SLC2A13: variants seen among roughly 807,000 people sequenced by gnomAD.
SLC2A13 encodes solute carrier family 2 member 13.
Under a neutral mutation model 64.4 loss-of-function variants are expected in SLC2A13, and 32 were observed. The ratio of observed to expected loss-of-function variants is 0.50; its 90% confidence interval spans 0.37 to 0.67. The LOEUF (loss-of-function observed/expected upper bound fraction) is 0.67, where lower values mean the gene tolerates loss of function less well. Ranked by LOEUF, SLC2A13 falls within the 30% of genes least tolerant of loss-of-function variation. The probability of loss-of-function intolerance (pLI) is 0.00; values close to 1 mark genes in which losing one functional copy is unlikely to be tolerated. For missense variants in SLC2A13, 743 were observed against 829.2 expected (o/e 0.90, Z 1.28); for synonymous variants, 338 against 327.1 (o/e 1.03, Z -0.36).
chr12:39,808,802 C>A (rs1329642827), intron 7 of SLC2A13, among the ~76,000 whole-genome samples: 1 of 151,938 alleles, frequency 6.6e-6, no homozygotes, highest in African/African-American at 2.4e-5. Context: ...TGTAAGAATT[C>A]TTTATTCATA....
At chr12:39,851,295 T>C (rs2135895102) in intron 6 of SLC2A13, among the ~76,000 whole-genome samples, 1 of 152,312 alleles carries the variant, frequency 6.6e-6, no homozygotes, top group East Asian at 1.9e-4. Flanking sequence ...CAGTTCTTCT[T>C]ATGAAATAAC....
intron 7 of SLC2A13, among the ~76,000 whole-genome samples, chr12:39,801,751 G>A (rs186528695): frequency 1.4e-4 from 21 of 152,270 alleles, no homozygotes; most frequent in African/African-American, 5.1e-4. Flanking sequence ...AAAGGAAAGG[G>A]CGGGCTTAGA....
intron 4 of SLC2A13, among the ~76,000 whole-genome samples, chr12:39,880,011 A>G (rs948002009): frequency 2.6e-5 from 4 of 152,052 alleles, no homozygotes; most frequent in African/African-American, 9.7e-5. Context: ...TACAAGACAC[A>G]GTCATTTAAA....
chr12:39,782,030 A>T (rs146747533), intron 7 of SLC2A13, among the ~76,000 whole-genome samples: 4 of 152,350 alleles, frequency 2.6e-5, no homozygotes, highest in Non-Finnish European at 5.9e-5. Context: ...CTTGGATTCT[A>T]GATGGGCTTG....
At chr12:39,967,944 G>A (rs1338417477) in intron 3 of SLC2A13, among the ~76,000 whole-genome samples, 1 of 152,160 alleles carries the variant, frequency 6.6e-6, no homozygotes, top group Non-Finnish European at 1.5e-5. Context: ...CTGAAGTCAT[G>A]ACTTAAATAG....
At chr12:39,859,261 C>CA (rs143833244) in intron 6 of SLC2A13, among the ~76,000 whole-genome samples, 1,495 of 59,954 alleles carry the variant, frequency 0.025, 23 homozygotes, top group African/African-American at 0.085. Context: ...GTTCAAGAAG[C>CA]AAAAAACAAA....
At chr12:40,005,766 C>G (rs28370757) in intron 3 of SLC2A13, among the ~76,000 whole-genome samples, 2 of 152,134 alleles carry the variant, frequency 1.3e-5, no homozygotes, top group South Asian at 2.1e-4. Context: ...AAAGGCTATA[C>G]GATTTTATAT....
intron 1 of SLC2A13, among the ~76,000 whole-genome samples, chr12:40,094,857 C>A (rs558387238): frequency 1.3e-5 from 2 of 152,258 alleles, no homozygotes; most frequent in Admixed American, 1.3e-4. Context: ...AGAGAAAGAG[C>A]TGGAATGACA....
chr12:39,785,996 C>T (rs1023470666), intron 7 of SLC2A13, among the ~76,000 whole-genome samples: 1 of 152,124 alleles, frequency 6.6e-6, no homozygotes, highest in Non-Finnish European at 1.5e-5. Flanking sequence ...GGACTTGCCT[C>T]GTCTCAGATG....
intron 7 of SLC2A13, among the ~76,000 whole-genome samples, chr12:39,805,647 G>A (rs1181305139): frequency 6.6e-6 from 1 of 152,032 alleles, no homozygotes. Context: ...TGCTGACAGC[G>A]CTCCTTAAAA....
chr12:40,015,199 T>C (rs1017665458), intron 3 of SLC2A13, among the ~76,000 whole-genome samples: 4 of 152,072 alleles, frequency 2.6e-5, no homozygotes, highest in African/African-American at 9.7e-5. Context: ...GAATTCAACA[T>C]GGGTTTGAAT....
rs540584981 is a variant in SLC2A13 at position 39,844,892 on chromosome 12, A to G, written c.1320-14664T>C. 2.3e-3 allele frequency among the ~76,000 whole-genome samples: 345 copies of G among 152,236 alleles called. 1 individual carries two copies. The highest frequency in any genetic ancestry group is 7.5e-3 in the African/African-American group (313 of 41,586). On this transcript the variant is annotated intron_variant, in intron 6 of 9. Coordinates refer to ENST00000280871, the MANE Select transcript of SLC2A13 (RefSeq NM_052885.4). The stretch of plus-strand genomic sequence containing the variant: ...ACAAGGATTCTGTCTCCAACAGAAT[A>G]CGCTTTAGAAATACTCATTTTTAGA...
intron 3 of SLC2A13, among the ~76,000 whole-genome samples, chr12:40,012,147 TAGTG>T (rs1947541788): frequency 1.3e-5 from 2 of 152,218 alleles, no homozygotes; most frequent in African/African-American, 2.4e-5. Context: ...TTGTACATAA[TAGTG>T]AATTAGTTTC....
intron 1 of SLC2A13, chr12:40,068,521 T>C: frequency 4.0e-6 from 1 of 247,448 alleles, no homozygotes; most frequent in Non-Finnish European, 8.4e-6. Context: ...TACTTTCCAC[T>C]TTTCATAACA....
intron 6 of SLC2A13, among the ~76,000 whole-genome samples, chr12:39,831,790 CACTATGT>C (rs1050175484): frequency 1.3e-5 from 2 of 152,126 alleles, no homozygotes; most frequent in African/African-American, 4.8e-5. Flanking sequence ...CTCCCACTTT[CACTATGT>C]GAGGTGGCTG....
At chr12:39,975,261 T>G (rs1012078918) in intron 3 of SLC2A13, among the ~76,000 whole-genome samples, 7 of 152,214 alleles carry the variant, frequency 4.6e-5, no homozygotes, top group African/African-American at 1.7e-4. Context: ...ACATTTTAGT[T>G]TGCTAATTTG....
At chr12:39,959,948 T>C (rs1946380730) in intron 3 of SLC2A13, among the ~76,000 whole-genome samples, 1 of 152,178 alleles carries the variant, frequency 6.6e-6, no homozygotes, top group African/African-American at 2.4e-5. Context: ...CCCAGATGCA[T>C]TAGCTATTTA....
At chr12:39,794,403 G>C (rs11173604) in intron 7 of SLC2A13, among the ~76,000 whole-genome samples, 4 of 152,162 alleles carry the variant, frequency 2.6e-5, no homozygotes, top group Admixed American at 2.6e-4. Flanking sequence ...ATTTGGCCTA[G>C]AGCTGCCTCT....
At chr12:39,845,626 G>T (rs568995224) in intron 6 of SLC2A13, among the ~76,000 whole-genome samples, 29 of 152,226 alleles carry the variant, frequency 1.9e-4, no homozygotes, top group African/African-American at 6.5e-4. Context: ...ATGACATTTG[G>T]TTGGAAGTTG....
Sources: allele counts gnomAD v4.1 joint callset (sites outside exome capture counted in the v4.1 genomes callset), GRCh38; gene constraint gnomAD v4.1.1; transcripts MANE v1.5; gene names NCBI Gene and HGNC (gene_info 2026-07-23, HGNC 2026-07-21).